SYN2: variants seen among roughly 807,000 people sequenced by gnomAD.
The protein encoded by SYN2 is synapsin-2.
A neutral mutation model predicts 50.9 loss-of-function variants in SYN2; 19 were observed. The observed-to-expected ratio is 0.37, with a 90% confidence interval of 0.26 to 0.55. The LOEUF (loss-of-function observed/expected upper bound fraction) is 0.55. Ranked by LOEUF, SYN2 falls within the 20% of genes least tolerant of loss-of-function variation. The pLI is 0.81. For synonymous variants in SYN2, 255 were observed against 224.9 expected (o/e 1.13, Z -1.20); for missense variants, 587 against 576.4 (o/e 1.02, Z -0.19).
intron 1 of SYN2, among the ~76,000 whole-genome samples, chr3:12,050,335 G>T (rs1694827553): frequency 7.1e-6 from 1 of 141,068 alleles, no homozygotes; most frequent in South Asian, 2.3e-4. Flanking sequence ...CTCCAGTTTG[G>T]AATGATTTTT....
At chr3:12,168,693 CTG>C (rs773329300) in intron 9 of SYN2, among the ~76,000 whole-genome samples, 2 of 152,284 alleles carry the variant, frequency 1.3e-5, no homozygotes, top group African/African-American at 2.4e-5. Flanking sequence ...TCTGGGAAGA[CTG>C]TGGTGATGTT....
chr3:12,068,816 T>C (rs6769000), intron 1 of SYN2, among the ~76,000 whole-genome samples: 7,676 of 152,272 alleles, frequency 0.05, 656 homozygotes, highest in African/African-American at 0.18. Flanking sequence ...CAATGGTTTT[T>C]AGTACATCTG....
At chr3:12,033,303 A>T (rs889846973) in intron 1 of SYN2, among the ~76,000 whole-genome samples, 1 of 152,176 alleles carries the variant, frequency 6.6e-6, no homozygotes, top group Non-Finnish European at 1.5e-5. Context: ...GGAAATGCAG[A>T]AATCACCCGT....
chr3:12,034,018 T>G (rs1424643183), intron 1 of SYN2, among the ~76,000 whole-genome samples: 2 of 152,242 alleles, frequency 1.3e-5, no homozygotes, highest in Non-Finnish European at 2.9e-5. Flanking sequence ...TGTGTGAACA[T>G]ACGCTTTCAG....
At chr3:12,056,065 T>C (rs1423265826) in intron 1 of SYN2, among the ~76,000 whole-genome samples, 1 of 152,038 alleles carries the variant, frequency 6.6e-6, no homozygotes, top group African/African-American at 2.4e-5. Context: ...TACATATGGA[T>C]CAAGATGCTC....
At chr3:12,007,816 C>T (rs1299080925) in intron 1 of SYN2, among the ~76,000 whole-genome samples, 1 of 152,124 alleles carries the variant, frequency 6.6e-6, no homozygotes, top group Admixed American at 6.5e-5. Flanking sequence ...TAATTGTGGG[C>T]AATTGGAGAC....
chr3:12,158,495 A>G (rs1559445736), intron 5 of SYN2, among the ~76,000 whole-genome samples: 3 of 152,168 alleles, frequency 2.0e-5, no homozygotes, highest in Non-Finnish European at 4.4e-5. Context: ...CCCTGATGAA[A>G]TCTTCATTTC....
chr3:12,032,275 T>TGA (rs1259847189), intron 1 of SYN2, among the ~76,000 whole-genome samples: 15 of 39,886 alleles, frequency 3.8e-4, no homozygotes, highest in African/African-American at 9.3e-4. Context: ...GGCTTCCCTT[T>TGA]GAGGGTAACC....
intron 3 of SYN2, among the ~76,000 whole-genome samples, chr3:12,143,532 A>G (rs1697076899): frequency 6.6e-6 from 1 of 152,048 alleles, no homozygotes; most frequent in Non-Finnish European, 1.5e-5. Context: ...TAAGTGACAA[A>G]TGCAGTATTT....
chr3:12,168,200 A>G (rs1697848722), intron 8 of SYN2, among the ~76,000 whole-genome samples, 176 bp from the exon 9 acceptor site: 1 of 152,092 alleles, frequency 6.6e-6, no homozygotes, highest in Non-Finnish European at 1.5e-5. Flanking sequence ...TAGAATCTGG[A>G]AAACAGATAG....
In SYN2 at chr3:12,025,492, T is replaced by G. The variant is rs948748280; in HGVS notation, c.377+20564T>G. On this transcript the variant is annotated intron_variant, in intron 1 of 12. Transcript: ENST00000621198. The stretch of plus-strand genomic sequence containing the variant: ...TTAATCAAGGTAATCTCATGTAGAT[T>G]TTGAGATCAGTGTTGTGTTGATTTT... Among the ~76,000 whole-genome samples, 4 of 152,268 alleles carry G rather than the reference T, an allele frequency of 2.6e-5. No individual in the cohort carries two copies. In the South Asian group the frequency reaches 8.3e-4, roughly 32 times the overall value.
rs576896052 is a variant in SYN2, at chr3:12,033,637, CA to C, written c.377+28714del. On this transcript the variant is annotated intron_variant, in intron 1 of 12. Transcript: ENST00000621198. ...TTATTTCAGAACATCTTAATCACCC[CA>C]AAAACCATATACATGTTAGCAGTAT... Among the ~76,000 whole-genome samples the C allele has an allele frequency of 9.2e-4, 140 of 152,152 alleles. 1 individual carries two copies. Among genetic ancestry groups the C allele is most frequent in the Non-Finnish European group, 1.0e-3 (70 of 68,012 alleles).
intron 3 of SYN2, 83 bp downstream of exon 3, chr3:12,142,079 G>C: frequency 1.3e-6 from 1 of 757,954 alleles, no homozygotes; most frequent in South Asian, 1.4e-5. Context: ...TTCTAAGTCA[G>C]GTGTTGGAGT....
intron 10 of SYN2, among the ~76,000 whole-genome samples, chr3:12,170,523 C>T (rs1033701430): frequency 8.5e-5 from 13 of 152,188 alleles, no homozygotes; most frequent in African/African-American, 2.9e-4. Flanking sequence ...AGTGGGAAAT[C>T]CACACTAAAG....
At chr3:12,110,679 C>T (rs765385154) in intron 1 of SYN2, among the ~76,000 whole-genome samples, 1 of 152,218 alleles carries the variant, frequency 6.6e-6, no homozygotes. Context: ...GGGACTCTGG[C>T]CCGGCCCATG....
chr3:12,125,095 A>G (rs1559429643), intron 1 of SYN2, among the ~76,000 whole-genome samples: 1 of 151,758 alleles, frequency 6.6e-6, no homozygotes, highest in Non-Finnish European at 1.5e-5. Flanking sequence ...GCTCACTGCA[A>G]CCTCCGCCTC....
intron 1 of SYN2, among the ~76,000 whole-genome samples, chr3:12,084,254 C>G (rs773690298): frequency 2.6e-5 from 4 of 151,748 alleles, no homozygotes; most frequent in Non-Finnish European, 2.9e-5. Flanking sequence ...CCTGAGGAGC[C>G]CTTCAAAATA....
At chr3:12,033,134 C>CGT (rs1475056381) in intron 1 of SYN2, among the ~76,000 whole-genome samples, 3 of 151,760 alleles carry the variant, frequency 2.0e-5, no homozygotes, top group Non-Finnish European at 4.4e-5. Context: ...GTTGGAATAC[C>CGT]GTGCCGTGTG....
chr3:12,187,276 T>C, intron 11 of SYN2, 93 bp from the exon 12 acceptor site: 1 of 1,436,280 alleles, frequency 7.0e-7, no homozygotes, highest in South Asian at 1.5e-5. Context: ...ATCCTTTGGG[T>C]AATTAACTAA....
Sources: gnomAD v4.1 joint callset for allele counts (sites outside exome capture counted in the v4.1 genomes callset) on GRCh38, gnomAD v4.1.1 for gene constraint, MANE v1.5 for transcripts, NCBI Gene and HGNC (gene_info 2026-07-23, HGNC 2026-07-21) for gene names.